The following ZCCHC7 variants were observed in gnomAD, a reference collection of about 807,000 sequenced individuals.
ZCCHC7 encodes zinc finger CCHC domain-containing protein 7.
ZCCHC7 carries 35 observed loss-of-function variants against 52.0 expected under a neutral mutation model. The observed-to-expected ratio is 0.67, with a 90% CI of 0.51 to 0.89. The LOEUF is 0.89. ZCCHC7 is among the 40% of genes least tolerant of loss of function. ZCCHC7 has a pLI of 0.00. For missense variants in ZCCHC7, 574 were observed against 649.1 expected, an observed-to-expected ratio of 0.88 and a Z score of 1.26; for synonymous variants, 217 against 221.5, an observed-to-expected ratio of 0.98 and a Z score of 0.18.
intron 5 of ZCCHC7, among the ~76,000 whole-genome samples, chr9:37,325,044 G>A (rs1158681299): frequency 6.6e-6 from 1 of 152,150 alleles, no homozygotes; most frequent in Non-Finnish European, 1.5e-5. Flanking sequence ...TTCAATATGG[G>A]TCAAAATGCA....
In ZCCHC7 at chr9:37,128,822, A is replaced by G. The variant is rs899536346; in HGVS notation, c.610+1880A>G. On this transcript the variant is annotated intron_variant, in intron 2 of 8. Transcript: ENST00000336755. ...TTTGAAGGATTCCATAACTTTATCC[A>G]GTAATACTTGTCAGCTTGGAGCAAG... Among the ~76,000 whole-genome samples, 8 of 152,254 alleles carry G rather than the reference A, an allele frequency of 5.3e-5. 1 individual carries two copies. In the South Asian group the frequency reaches 1.7e-3, roughly 31 times the overall value.
chr9:37,357,397 C>G lies in ZCCHC7; in HGVS notation c.*129C>G. ...TTTGGTTTTGTTTTTTTAATTTCAGCCATTCCTAGAGTTACTGAATATCCA... is the reference window on the plus strand; with the variant it reads ...TTTGGTTTTGTTTTTTTAATTTCAGGCATTCCTAGAGTTACTGAATATCCA... On this transcript the variant is annotated 3_prime_UTR_variant, in exon 9 of 9. Transcript: ENST00000336755. 1.2e-6 allele frequency: 1 copy of G among 851,890 alleles called. No individual in the cohort carries two copies. The highest frequency in any genetic ancestry group is 2.2e-5 in the South Asian group (1 of 45,966). The allele number at this position is 851,890 out of a possible 1,614,324, so 52.8% of individuals were successfully genotyped here. A position where few individuals can be genotyped will look rare whatever the true frequency, so the allele number is the denominator to read the frequency against.
chr9:37,163,877 G>A (rs1373068879), intron 2 of ZCCHC7, among the ~76,000 whole-genome samples: 1 of 152,118 alleles, frequency 6.6e-6, no homozygotes, highest in African/African-American at 2.4e-5. Context: ...GTAAATCAGA[G>A]TCCTTTATTT....
At chr9:37,190,498 C>A (rs1373940014) in intron 2 of ZCCHC7, among the ~76,000 whole-genome samples, 1 of 152,184 alleles carries the variant, frequency 6.6e-6, no homozygotes, top group Non-Finnish European at 1.5e-5. Flanking sequence ...AATATGAATT[C>A]TTATTTTATT....
At chr9:37,228,973 C>A (rs1825263621) in intron 2 of ZCCHC7, among the ~76,000 whole-genome samples, 1 of 151,248 alleles carries the variant, frequency 6.6e-6, no homozygotes, top group Non-Finnish European at 1.5e-5. Flanking sequence ...GTAGCTGGGA[C>A]TATAGGCGCC....
At chr9:37,293,861 C>T (rs917916556) in intron 2 of ZCCHC7, among the ~76,000 whole-genome samples, 1 of 151,972 alleles carries the variant, frequency 6.6e-6, no homozygotes, top group Non-Finnish European at 1.5e-5. Flanking sequence ...TCTATATGAC[C>T]CTCTGCTAAG....
intron 2 of ZCCHC7, among the ~76,000 whole-genome samples, chr9:37,129,991 C>T (rs1168852483): frequency 6.6e-6 from 1 of 152,134 alleles, no homozygotes; most frequent in Non-Finnish European, 1.5e-5. Flanking sequence ...GTAATCCCAA[C>T]ACTTTGAGAG....
intron 2 of ZCCHC7, among the ~76,000 whole-genome samples, chr9:37,183,370 A>G (rs1822473322): frequency 6.6e-6 from 1 of 152,228 alleles, no homozygotes; most frequent in South Asian, 2.1e-4. Flanking sequence ...CTGAGAGGTC[A>G]GTCATACAGA....
chr9:37,339,945 T>C (rs1830842602), intron 6 of ZCCHC7, among the ~76,000 whole-genome samples: 1 of 152,148 alleles, frequency 6.6e-6, no homozygotes, highest in African/African-American at 2.4e-5. Flanking sequence ...AGCAGGTTCA[T>C]TTGCATAAAA....
intron 3 of ZCCHC7, 57 bp downstream of exon 3, chr9:37,302,288 A>T (rs1223431478): frequency 2.1e-6 from 3 of 1,400,742 alleles, no homozygotes; most frequent in Middle Eastern, 1.8e-4. Flanking sequence ...TTCATAGTTT[A>T]TTATGATAAC....
At position 37,247,982 on chromosome 9, in the gene ZCCHC7, G is replaced by A. The variant is rs1826153142; in HGVS notation, c.611-54206G>A. Among the ~76,000 whole-genome samples the A allele has an allele frequency of 2.0e-5, 3 of 151,676 alleles. No homozygotes were observed. In the South Asian group the frequency reaches 6.2e-4, roughly 32 times the overall value. On this transcript the variant is annotated intron_variant, in intron 2 of 8. Transcript: ENST00000336755. ...ATATATTTTCATCATCTCTTCACTT[G>A]ACACCAAGACAAGTCACAAACCTGA... is the stretch of plus-strand genomic sequence containing the variant.
intron 2 of ZCCHC7, among the ~76,000 whole-genome samples, chr9:37,173,378 A>G (rs1236329554): frequency 2.6e-5 from 4 of 152,272 alleles, no homozygotes; most frequent in Non-Finnish European, 5.9e-5. Flanking sequence ...AACTGTTCAT[A>G]TAGCATTTTA....
At chr9:37,258,757 TAAA>T (rs5897683) in intron 2 of ZCCHC7, among the ~76,000 whole-genome samples, 52 of 55,358 alleles carry the variant, frequency 9.4e-4, no homozygotes, top group African/African-American at 3.9e-3. Flanking sequence ...TCCTGTCTCT[TAAA>T]AAAAAAAAAA....
intron 2 of ZCCHC7, among the ~76,000 whole-genome samples, chr9:37,153,186 T>A (rs1381095637): frequency 6.6e-6 from 1 of 151,772 alleles, no homozygotes; most frequent in Non-Finnish European, 1.5e-5. Flanking sequence ...ATTGATTGAT[T>A]TAGAGATGGA....
intron 2 of ZCCHC7, among the ~76,000 whole-genome samples, chr9:37,221,363 A>G (rs1199102423): frequency 6.6e-6 from 1 of 152,226 alleles, no homozygotes; most frequent in African/African-American, 2.4e-5. Context: ...AAAGGGAAAG[A>G]TCCATAATGT....
rs371707444 is a variant in ZCCHC7 at position 37,357,204 on chromosome 9, G to C, written c.1568G>C (p.Arg523Thr). The stretch of plus-strand genomic sequence containing the variant: ...AGGGGCAAGCAGAAGAAAAAGGAGA[G>C]GTGCTGGGAAGATGATGACAATGAT... ...GKRGKQKKKE[R>T]CWEDDDNDNL... Residue 523 changes from arginine to threonine, a missense_variant, in exon 9 of 9, where the codon AGG (arginine) becomes ACG (threonine). This residue lies in a region of ZCCHC7 where 168 missense variants were observed against 171.6 expected (regional missense o/e 0.98). Coordinates refer to ENST00000336755, the MANE Select transcript of ZCCHC7 (RefSeq NM_032226.3). 2 of 1,611,662 alleles carry C rather than the reference G, an allele frequency of 1.2e-6. No individual in the cohort carries two copies. Among genetic ancestry groups the C allele is most frequent in the Admixed American group, 3.4e-5 (2 of 59,424 alleles).
intron 2 of ZCCHC7, among the ~76,000 whole-genome samples, chr9:37,142,485 T>G (rs1843271620): frequency 1.3e-5 from 2 of 151,876 alleles, no homozygotes; most frequent in South Asian, 4.1e-4. Context: ...ATAAATAGCA[T>G]CATTGAATTT....
intron 2 of ZCCHC7, among the ~76,000 whole-genome samples, chr9:37,129,947 T>C (rs767961249): frequency 4.0e-4 from 61 of 152,158 alleles, no homozygotes; most frequent in Non-Finnish European, 7.9e-4. Flanking sequence ...GGTAAAAGAC[T>C]TAAGTTTTAG....
intron 2 of ZCCHC7, among the ~76,000 whole-genome samples, chr9:37,283,727 C>T (rs1828079288): frequency 6.6e-6 from 1 of 152,004 alleles, no homozygotes; most frequent in East Asian, 1.9e-4. Flanking sequence ...ATAAAATTAT[C>T]AGAAGGGAAA....
Sources: allele counts gnomAD v4.1 joint callset (sites outside exome capture counted in the v4.1 genomes callset), GRCh38; gene constraint gnomAD v4.1.1; regional missense constraint gnomAD v4.1.1; transcripts MANE v1.5; gene names NCBI Gene and HGNC (gene_info 2026-07-23, HGNC 2026-07-21).